MANBA: variants seen among roughly 807,000 people sequenced by gnomAD.
The protein encoded by MANBA is mannosidase beta, also known as beta-mannosidase.
MANBA carries 83 observed loss-of-function variants against 111.1 expected under a neutral mutation model. The ratio of observed to expected loss-of-function variants is 0.75; its 90% CI spans 0.63 to 0.90. The LOEUF is 0.90. Among genes scored for constraint, MANBA ranks in the 40% least tolerant of loss-of-function variants. MANBA has a pLI of 0.00. For synonymous variants in MANBA, 370 were observed against 378.7 expected (o/e 0.98, Z 0.27); for missense variants, 1,036 against 1,069.0 (o/e 0.97, Z 0.43).
intron 1 of MANBA, among the ~76,000 whole-genome samples, chr4:102,727,075 C>A (rs1029489337): frequency 2.0e-5 from 3 of 152,192 alleles, no homozygotes; most frequent in African/African-American, 7.2e-5. Context: ...TCATGTCCGG[C>A]CTACAGTTTA....
chr4:102,711,216 C>A (rs568290637), intron 5 of MANBA, among the ~76,000 whole-genome samples: 1 of 152,250 alleles, frequency 6.6e-6, no homozygotes, highest in South Asian at 2.1e-4. Context: ...GCAGACTATT[C>A]ATTTGACAAG....
intron 3 of MANBA, among the ~76,000 whole-genome samples, chr4:102,723,525 C>T (rs113585170): frequency 6.6e-6 from 1 of 152,178 alleles, no homozygotes; most frequent in African/African-American, 2.4e-5. Context: ...TATAACTATT[C>T]CAGAAAGGAA....
In MANBA at chr4:102,674,045, A is replaced by G. The variant is rs757381141; in HGVS notation, c.986T>C (p.Ile329Thr). 23 of 1,600,932 alleles carry G rather than the reference A, an allele frequency of 1.4e-5. No homozygotes were observed. Among genetic ancestry groups the G allele is most frequent in the East Asian group, 1.3e-4 (6 of 44,784 alleles). Residue 329 changes from isoleucine (I) to threonine (T), a missense_variant, in exon 8 of 17, where the codon ATA becomes ACA. Coordinates refer to ENST00000647097, the MANE Select transcript of MANBA (RefSeq NM_005908.4). The stretch of plus-strand genomic sequence containing the variant: ...AGGAGACCCTTTTATAGGCTCTTCT[A>G]TAAGTTCCACTGTCCTAAAATAAAC... ...AKVYFRTVEL[I>T]EEPIKGSPGL...
At chr4:102,737,339 G>T (rs1005809338) in intron 1 of MANBA, among the ~76,000 whole-genome samples, 1 of 152,178 alleles carries the variant, frequency 6.6e-6, no homozygotes, top group Non-Finnish European at 1.5e-5. Context: ...GAGGCTTATA[G>T]CCTGGGGCAA....
At chr4:102,658,088 T>C (rs1039435383) in intron 11 of MANBA, among the ~76,000 whole-genome samples, 188 bp from the exon 12 acceptor site, 8 of 152,250 alleles carry the variant, frequency 5.3e-5, no homozygotes, top group Non-Finnish European at 1.5e-5. Flanking sequence ...CAATCCTTTA[T>C]ATCTTTTCAT....
intron 12 of MANBA, among the ~76,000 whole-genome samples, chr4:102,651,500 T>C (rs942075611): frequency 1.3e-5 from 2 of 152,182 alleles, no homozygotes; most frequent in Non-Finnish European, 2.9e-5. Context: ...TTTAATGCAC[T>C]GTTAGCATTT....
chr4:102,721,089 C>T (rs1722548708), intron 4 of MANBA, among the ~76,000 whole-genome samples: 2 of 152,082 alleles, frequency 1.3e-5, no homozygotes, highest in South Asian at 2.1e-4. Context: ...TTTGGGAGGC[C>T]GAGGCGGGTG....
intron 5 of MANBA, among the ~76,000 whole-genome samples, chr4:102,712,644 G>C (rs537405411): frequency 6.6e-6 from 1 of 151,558 alleles, no homozygotes; most frequent in South Asian, 2.1e-4. Flanking sequence ...TCAGCCTCTC[G>C]AGTAGCTGGG....
chr4:102,652,307 CT>C (rs1246315632), intron 12 of MANBA, among the ~76,000 whole-genome samples: 1 of 152,140 alleles, frequency 6.6e-6, no homozygotes, highest in Non-Finnish European at 1.5e-5. Context: ...TTGAGCTGAA[CT>C]TTTTTAGCTT....
chr4:102,722,978 C>T lies in MANBA; in HGVS notation c.442G>A (p.Val148Met). 2 of 1,614,166 alleles carry T rather than the reference C, an allele frequency of 1.2e-6. No homozygotes were observed. The highest frequency in any genetic ancestry group is 1.7e-6 in the Non-Finnish European group (2 of 1,179,990). ...NSIELRFQSA[V>M]LYAAQQSKAH... The stretch of plus-strand genomic sequence containing the variant: ...TTGCTCTGCTGTGCTGCATACAACA[C>T]CGCTGACTGGAAACGCAGCTCAATG... The change falls in exon 4 of 17, where the codon GTG becomes ATG. Residue 148 changes from valine to methionine, a missense_variant. Transcript: ENST00000647097.
chr4:102,728,438 A>G (rs1028517763), intron 1 of MANBA: 8 of 456,116 alleles, frequency 1.8e-5, no homozygotes, highest in Non-Finnish European at 1.7e-5. Context: ...TTGGATGCAG[A>G]TTGAAGAGAG....
At chr4:102,639,460 C>A (rs1388223213) in intron 14 of MANBA, among the ~76,000 whole-genome samples, 1 of 152,162 alleles carries the variant, frequency 6.6e-6, no homozygotes, top group Non-Finnish European at 1.5e-5. Context: ...GTATAGGAAT[C>A]TATCCCATGC....
At chr4:102,702,383 TG>T (rs2110259799) in intron 5 of MANBA, among the ~76,000 whole-genome samples, 1 of 152,322 alleles carries the variant, frequency 6.6e-6, no homozygotes, top group East Asian at 1.9e-4. Flanking sequence ...CGTCCAGCTT[TG>T]TTCCATTACT....
At chr4:102,720,968 G>C (rs1032065735) in intron 4 of MANBA, among the ~76,000 whole-genome samples, 2 of 152,170 alleles carry the variant, frequency 1.3e-5, no homozygotes, top group African/African-American at 4.8e-5. Context: ...TAATGTAACA[G>C]TTCTACCTAA....
At chr4:102,694,338 TAGCACATGGAAAAGTAGGTA>T (rs1426211547) in intron 5 of MANBA, among the ~76,000 whole-genome samples, 1 of 152,190 alleles carries the variant, frequency 6.6e-6, no homozygotes, top group Admixed American at 6.6e-5. Flanking sequence ...TTCCTTCCAG[TAGCACATGGAAAAGTAGGTA>T]ATTTAGGTTC....
chr4:102,656,196 G>T (rs1730550882), intron 12 of MANBA, among the ~76,000 whole-genome samples: 1 of 152,254 alleles, frequency 6.6e-6, no homozygotes, highest in African/African-American at 2.4e-5. Flanking sequence ...CAAATCTGCA[G>T]TGAGCCGTGA....
intron 5 of MANBA, among the ~76,000 whole-genome samples, chr4:102,713,621 G>A (rs1722177634): frequency 1.3e-5 from 2 of 151,988 alleles, no homozygotes; most frequent in Admixed American, 1.3e-4. Flanking sequence ...ATTTCTTTTG[G>A]CCAGGCGCAG....
intron 10 of MANBA, chr4:102,667,608 A>G (rs1446954822): frequency 1.3e-5 from 2 of 152,202 alleles, no homozygotes; most frequent in Non-Finnish European, 2.9e-5. Context: ...TTTTTGAAAC[A>G]GTTTCATGAG....
At chr4:102,698,965 A>C (rs987960846) in intron 5 of MANBA, among the ~76,000 whole-genome samples, 1 of 152,216 alleles carries the variant, frequency 6.6e-6, no homozygotes, top group East Asian at 1.9e-4. Flanking sequence ...CCATTTTCAC[A>C]ATATTGATTC....
Sources: allele counts gnomAD v4.1 joint callset (sites outside exome capture counted in the v4.1 genomes callset), GRCh38; gene constraint gnomAD v4.1.1; transcripts MANE v1.5; gene names NCBI Gene and HGNC (gene_info 2026-07-23, HGNC 2026-07-21).